Variants in ATXN2 observed in about 807,000 individuals in gnomAD.
ATXN2 encodes ataxin-2.
A neutral mutation model predicts 138.6 loss-of-function variants in ATXN2; 37 were observed. The ratio of observed to expected loss-of-function variants is 0.27; its 90% confidence interval spans 0.21 to 0.35. ATXN2 has a LOEUF of 0.35. Among genes scored for constraint, ATXN2 ranks in the 10% least tolerant of loss-of-function variants. The probability of loss-of-function intolerance (pLI) is 1.00; values close to 1 mark genes in which losing one functional copy is unlikely to be tolerated. For missense variants in ATXN2, 1,216 were observed against 1,480.3 expected, an observed-to-expected ratio of 0.82 and a Z score of 2.93; for synonymous variants, 549 against 543.7, an observed-to-expected ratio of 1.01 and a Z score of -0.13.
intron 1 of ATXN2, among the ~76,000 whole-genome samples, chr12:111,591,933 T>TACAAAAA (rs1396616466): frequency 1.3e-5 from 2 of 151,370 alleles, no homozygotes; most frequent in African/African-American, 4.9e-5. Context: ...AATACAAAAA[T>TACAAAAA]TAGCTGAGTG....
In ATXN2 at chr12:111,477,905, C is replaced by A. The variant is rs968576544; in HGVS notation, c.2525-7163G>T. On this transcript the variant is annotated intron_variant, in intron 18 of 24. Transcript: ENST00000673436. Reference sequence around the variant, plus strand: ...CGCTCAAGCGATTGTCCCACCTCAGCCCCCCAAGTAGCTGGGACCATAGGA... The same window carrying A: ...CGCTCAAGCGATTGTCCCACCTCAGACCCCCAAGTAGCTGGGACCATAGGA... Among the ~76,000 whole-genome samples, 12 of 152,208 alleles carry A rather than the reference C, an allele frequency of 7.9e-5. No homozygotes were observed. The East Asian group carries it at 2.3e-3, about 29-fold the overall frequency.
In ATXN2 at chr12:111,453,301, A is replaced by G. The variant is rs1326423042; in HGVS notation, c.3439+376T>C. ...CAGCAGTATCTTCTCCAGAGCTACA[A>G]TCAAACTCTGCCATGGTAATAACCC... On this transcript the variant is annotated intron_variant, in intron 24 of 24. Coordinates refer to ENST00000673436, the MANE Select transcript of ATXN2 (RefSeq NM_001372574.1). The surrounding 1 kb of genome is among the most constrained non-coding windows in gnomAD (Gnocchi z 5.4). 1.3e-5 allele frequency: 14 copies of G among 1,062,738 alleles called. No homozygotes were observed. The highest frequency in any genetic ancestry group is 1.7e-5 in the African/African-American group (1 of 59,790). The allele number at this position is 1,062,738 out of a possible 1,614,324, so 65.8% of individuals were successfully genotyped here.
At chr12:111,545,222 T>C (rs994396123) in intron 5 of ATXN2, among the ~76,000 whole-genome samples, 4 of 151,990 alleles carry the variant, frequency 2.6e-5, no homozygotes, top group Admixed American at 1.3e-4. Flanking sequence ...GAATAGGTTT[T>C]CATGCTAAAG....
In ATXN2 at chr12:111,504,515, C is replaced by A. The variant is rs558842380; in HGVS notation, c.1935+5034G>T. On this transcript the variant is annotated intron_variant, in intron 14 of 24. Transcript: ENST00000673436. ...CATTTGGTCAGACTGGTTTCGAACT[C>A]CTGACCTCATGTGATCTGCCTGCTT... 2.8e-3 allele frequency among the ~76,000 whole-genome samples: 422 copies of A among 152,238 alleles called. 4 individuals carry two copies. Among genetic ancestry groups the A allele is most frequent in the African/African-American group, 9.6e-3 (399 of 41,538 alleles).
intron 1 of ATXN2, among the ~76,000 whole-genome samples, chr12:111,597,528 G>C (rs1884997204): frequency 6.6e-6 from 1 of 152,154 alleles, no homozygotes; most frequent in Admixed American, 6.5e-5. Context: ...AAGGACACCG[G>C]CCACAATGGA....
chr12:111,561,857 G>A (rs1882705946), intron 1 of ATXN2, among the ~76,000 whole-genome samples: 2 of 151,900 alleles, frequency 1.3e-5, no homozygotes, highest in Admixed American at 1.3e-4. Context: ...TGTCGCTCAG[G>A]CTGGAGTGCA....
At position 111,599,264 on chromosome 12, in the gene ATXN2, C is replaced by T. The variant is rs1885136308; in HGVS notation, c.-230G>A. The T allele has an allele frequency of 1.7e-6, 2 of 1,183,098 alleles. No homozygotes were observed. The highest frequency in any genetic ancestry group is 1.0e-6 in the Non-Finnish European group (1 of 959,928). 73.3% of individuals were successfully genotyped at this position (1,183,098 alleles called of 1,614,324 possible). The stretch of plus-strand genomic sequence containing the variant: ...CCGGGAGCCGGGCCGAAACGCGCCG[C>T]CGCCGTTGCCGTTGCTACCAAAACA... On this transcript the variant is annotated 5_prime_UTR_variant, in exon 1 of 25. Coordinates refer to ENST00000673436, the MANE Select transcript of ATXN2 (RefSeq NM_001372574.1).
In ATXN2 at chr12:111,509,879, T is replaced by C; in HGVS notation, c.1864+12A>G. 2 of 1,581,142 alleles carry C rather than the reference T, an allele frequency of 1.3e-6. No individual in the cohort carries two copies. The highest frequency in any genetic ancestry group is 1.7e-6 in the Non-Finnish European group (2 of 1,151,412). On this transcript the variant is annotated intron_variant, in intron 13 of 24. Coordinates refer to ENST00000673436, the MANE Select transcript of ATXN2 (RefSeq NM_001372574.1). ...TCCTACAGTTAAGCTTAATGACTCT[T>C]TAAACTCTAACCTTTGTTTTCAGCT...
At chr12:111,570,911 T>C (rs1369739365) in intron 1 of ATXN2, among the ~76,000 whole-genome samples, 1 of 152,230 alleles carries the variant, frequency 6.6e-6, no homozygotes, top group Non-Finnish European at 1.5e-5. Context: ...CATACTGTAC[T>C]ACCCCAAGCC....
chr12:111,464,726 G>A lies in ATXN2; in HGVS notation c.2843-11C>T, dbSNP rs545969588. The A allele has an allele frequency of 7.5e-6, 12 of 1,607,132 alleles. 1 individual carries two copies. The South Asian group carries it at 1.2e-4, about 16-fold the overall frequency. ...GTAATTTGGGACATGCTGAATTTGG[G>A]AAATAGAAAGGTAAATTAGCCTTTT... On this transcript the variant is annotated splice_polypyrimidine_tract_variant and intron_variant, in intron 20 of 24. Transcript: ENST00000673436.
intron 21 of ATXN2, 85 bp from the exon 22 acceptor site, chr12:111,457,444 TTGA>T: frequency 1.4e-6 from 2 of 1,463,440 alleles, no homozygotes; most frequent in Non-Finnish European, 1.8e-6. Context: ...CTGAACTTTC[TTGA>T]TGGTTACAAT....
intron 1 of ATXN2, among the ~76,000 whole-genome samples, chr12:111,592,292 A>G (rs1011859150): frequency 2.2e-4 from 33 of 149,662 alleles, no homozygotes; most frequent in Admixed American, 7.3e-4. Context: ...CGGGAGGGCT[A>G]AGGCAGGAGA....
intron 5 of ATXN2, among the ~76,000 whole-genome samples, chr12:111,547,777 T>TAAAAA (rs533666242): frequency 2.2e-5 from 2 of 88,990 alleles, no homozygotes; most frequent in Non-Finnish European, 4.6e-5. Context: ...AGCCAAAGAT[T>TAAAAA]AAAAAAAAAA....
Position 111,486,706 on chromosome 12 carries a change from T to A in ATXN2, c.2304+55A>T. On this transcript the variant is annotated intron_variant, in intron 16 of 24. Transcript: ENST00000673436. ...GCAGGTATGGAAGAAGGACTATTAC[T>A]AATAATTTTTCTTTTTTTGGGACTA... The A allele has an allele frequency of 2.1e-6, 3 of 1,440,830 alleles. No homozygotes were observed. The South Asian group carries it at 3.5e-5, about 17-fold the overall frequency. The allele number at this position is 1,440,830 out of a possible 1,614,324, so 89.3% of individuals were successfully genotyped here.
intron 8 of ATXN2, among the ~76,000 whole-genome samples, chr12:111,518,696 T>G (rs907269258): frequency 6.6e-6 from 1 of 152,206 alleles, no homozygotes; most frequent in Non-Finnish European, 1.5e-5. Flanking sequence ...TATGGCTGAT[T>G]CCATCAATCT....
chr12:111,561,216 C>T (rs1229347930), intron 1 of ATXN2, among the ~76,000 whole-genome samples: 2 of 151,248 alleles, frequency 1.3e-5, no homozygotes, highest in Non-Finnish European at 2.9e-5. Flanking sequence ...AGTCTCTGGC[C>T]GGGCATGGTG....
intron 1 of ATXN2, among the ~76,000 whole-genome samples, chr12:111,558,025 T>A (rs921012892): frequency 6.6e-6 from 1 of 152,238 alleles, no homozygotes; most frequent in African/African-American, 2.4e-5. Flanking sequence ...TTAGTGATTA[T>A]GTGGTTACAT....
intron 5 of ATXN2, among the ~76,000 whole-genome samples, chr12:111,541,892 T>A (rs1237066376): frequency 6.7e-6 from 1 of 148,396 alleles, no homozygotes; most frequent in Non-Finnish European, 1.5e-5. Context: ...TTCTCCTGCC[T>A]CAGCTTCCCA....
chr12:111,543,133 G>A (rs1442022392), intron 5 of ATXN2, among the ~76,000 whole-genome samples: 1 of 151,892 alleles, frequency 6.6e-6, no homozygotes, highest in African/African-American at 2.4e-5. Flanking sequence ...CCTCCATACT[G>A]GCCTCAATAA....
Sources: gnomAD v4.1 joint callset for allele counts (sites outside exome capture counted in the v4.1 genomes callset) on GRCh38, gnomAD v4.1.1 for gene constraint, Gnocchi (gnomAD v3.1) non-coding constraint, MANE v1.5 for transcripts, NCBI Gene and HGNC (gene_info 2026-07-23, HGNC 2026-07-21) for gene names.